Variants in MCHR2 observed in about 807,000 individuals in gnomAD.
The protein encoded by MCHR2 is melanin concentrating hormone receptor 2, also known as melanin-concentrating hormone receptor 2.
Under a neutral mutation model 24.8 loss-of-function variants are expected in MCHR2, and 15 were observed. The ratio of observed to expected loss-of-function variants is 0.60; its 90% CI spans 0.40 to 0.93. MCHR2 has a LOEUF of 0.93. Among genes scored for constraint, MCHR2 ranks in the 40% least tolerant of loss-of-function variants. The pLI is 0.00. For synonymous variants in MCHR2, 151 were observed against 147.6 expected (o/e 1.02, Z -0.17); for missense variants, 386 against 408.7 (o/e 0.94, Z 0.48).
chr6:99,970,195 A>G (rs1050005595), intron 1 of MCHR2, among the ~76,000 whole-genome samples: 2 of 151,214 alleles, frequency 1.3e-5, no homozygotes, highest in Non-Finnish European at 1.5e-5. Context: ...AAGTGTTCCT[A>G]TTTCTCCACA....
chr6:99,929,554 A>C (rs1774460322), intron 5 of MCHR2, among the ~76,000 whole-genome samples: 1 of 152,014 alleles, frequency 6.6e-6, no homozygotes, highest in Non-Finnish European at 1.5e-5. Context: ...TAGGATAGTT[A>C]GCTCTTCTTG....
intron 1 of MCHR2, among the ~76,000 whole-genome samples, chr6:99,961,832 G>A (rs1775195192): frequency 1.3e-5 from 2 of 152,034 alleles, no homozygotes; most frequent in South Asian, 4.1e-4. Flanking sequence ...TTGTGCACAT[G>A]TACCCTAGGA....
At chr6:99,928,923 T>C (rs1457536730) in intron 5 of MCHR2, among the ~76,000 whole-genome samples, 1 of 152,186 alleles carries the variant, frequency 6.6e-6, no homozygotes, top group Non-Finnish European at 1.5e-5. Flanking sequence ...CTTTTAATTG[T>C]GATGTTAGGG....
chr6:99,980,267 T>C (rs927178811), intron 1 of MCHR2, among the ~76,000 whole-genome samples: 1 of 152,130 alleles, frequency 6.6e-6, no homozygotes, highest in African/African-American at 2.4e-5. Context: ...GAGTGAGATG[T>C]TTTAAAAGAA....
chr6:99,984,621 C>G (rs145858247), intron 1 of MCHR2, among the ~76,000 whole-genome samples: 290 of 152,120 alleles, frequency 1.9e-3, no homozygotes, highest in Non-Finnish European at 3.4e-3. Context: ...TCCGTAAAAT[C>G]TAGCATCCCT....
At chr6:99,949,650 G>A (rs10499026) in intron 2 of MCHR2, among the ~76,000 whole-genome samples, 25,597 of 151,984 alleles carry the variant, frequency 0.17, 2,325 homozygotes, top group African/African-American at 0.2. Flanking sequence ...TACTGCCATG[G>A]AGTCCTTATT....
chr6:99,934,517 C>T lies in MCHR2; in HGVS notation c.588G>A (p.Trp196Ter), dbSNP rs747754670. Reference sequence around the variant, plus strand: ...TTGTTATCGTCAAATAAAGTGTATACCTGTAAAATGAGAGAGAGAAGAGAG... The same window carrying T: ...TTGTTATCGTCAAATAAAGTGTATATCTGTAAAATGAGAGAGAGAAGAGAG... Reference protein sequence around the residue: ...FDLTSPDDVLWYTLYLTITTF... With the variant: ...FDLTSPDDVL The change falls in exon 5 of 6, where the codon TGG (tryptophan) becomes TGA (stop). Residue 196 changes from tryptophan to a stop codon, truncating the protein, a stop_gained and splice_region_variant. Transcript: ENST00000281806. LOFTEE classifies it high-confidence loss of function. 6.4e-7 allele frequency: 1 copy of T among 1,573,018 alleles called. No individual in the cohort carries two copies. Among genetic ancestry groups the T allele is most frequent in the Non-Finnish European group, 8.6e-7 (1 of 1,164,094 alleles).
At chr6:99,969,473 CAA>C (rs1214316677) in intron 1 of MCHR2, among the ~76,000 whole-genome samples, 1 of 76,830 alleles carries the variant, frequency 1.3e-5, no homozygotes, top group Non-Finnish European at 2.4e-5. Context: ...GACTCCATCT[CAA>C]AAAAAAAAAA....
intron 5 of MCHR2, among the ~76,000 whole-genome samples, chr6:99,928,919 A>G: frequency 6.6e-6 from 1 of 151,740 alleles, no homozygotes; most frequent in Non-Finnish European, 1.5e-5. Flanking sequence ...ACTTCTTTTA[A>G]TTGTGATGTT....
At chr6:99,951,752 A>G (rs1774969693) in intron 2 of MCHR2, among the ~76,000 whole-genome samples, 1 of 152,082 alleles carries the variant, frequency 6.6e-6, no homozygotes, top group Non-Finnish European at 1.5e-5. Flanking sequence ...TGGGTGGGGA[A>G]AAAAGAGACC....
chr6:99,960,500 C>G (rs879908493), intron 1 of MCHR2, among the ~76,000 whole-genome samples: 1 of 152,078 alleles, frequency 6.6e-6, no homozygotes, highest in Admixed American at 6.6e-5. Flanking sequence ...TCATATGGAA[C>G]CAAAAAAGAG....
intron 1 of MCHR2, among the ~76,000 whole-genome samples, chr6:99,977,166 A>C (rs1775567107): frequency 6.6e-6 from 1 of 152,200 alleles, no homozygotes; most frequent in South Asian, 2.1e-4. Context: ...CATAAAAGTT[A>C]ATTTTCTTCT....
chr6:99,950,867 A>G lies in MCHR2; in HGVS notation c.183-2896T>C, dbSNP rs1461915508. 2.0e-5 allele frequency among the ~76,000 whole-genome samples: 3 copies of G among 152,200 alleles called. No individual in the cohort carries two copies. In the East Asian group the frequency reaches 5.8e-4, roughly 29 times the overall value. ...TATGATATGAATTAGTAAAACTAAC[A>G]AAACATAACACTACGCATGTAGGCT... On this transcript the variant is annotated intron_variant, in intron 2 of 5. Coordinates refer to ENST00000281806, the MANE Select transcript of MCHR2 (RefSeq NM_001040179.2).
In MCHR2 at chr6:99,919,116, G is replaced by A. The variant is rs1295198978; in HGVS notation, c.*1824C>T. Among the ~76,000 whole-genome samples, 2 of 152,184 alleles carry A rather than the reference G, an allele frequency of 1.3e-5. No individual in the cohort carries two copies. The highest frequency in any genetic ancestry group is 3.9e-4 in the East Asian group (2 of 5,188). On this transcript the variant is annotated 3_prime_UTR_variant, in exon 6 of 6. Transcript: ENST00000281806. ...AGTGAGAATGAAGACCCCTGAAACT[G>A]TGGCCATGACACAGCTTCTTATTGA... is the stretch of plus-strand genomic sequence containing the variant.
intron 1 of MCHR2, among the ~76,000 whole-genome samples, chr6:99,984,911 C>T (rs1775743634): frequency 6.6e-6 from 1 of 151,960 alleles, no homozygotes; most frequent in African/African-American, 2.4e-5. Context: ...ATGATATGAT[C>T]GTATGCCTAG....
intron 1 of MCHR2, among the ~76,000 whole-genome samples, chr6:99,980,638 A>T (rs906847701): frequency 1.3e-5 from 2 of 152,052 alleles, no homozygotes; most frequent in Non-Finnish European, 2.9e-5. Flanking sequence ...GAGAAAAAAA[A>T]TTTTCGAGAT....
chr6:99,982,483 A>AAAT (rs1175675214), intron 1 of MCHR2, among the ~76,000 whole-genome samples: 97 of 147,876 alleles, frequency 6.6e-4, no homozygotes, highest in Non-Finnish European at 1.2e-3. Flanking sequence ...AAAAAAAAAA[A>AAAT]AAAAAAAAAG....
chr6:99,976,518 T>C (rs1027028831), intron 1 of MCHR2, among the ~76,000 whole-genome samples: 8 of 152,324 alleles, frequency 5.3e-5, no homozygotes, highest in African/African-American at 1.7e-4. Context: ...TGTGTAGCCA[T>C]AGTTGTGCCA....
intron 5 of MCHR2, among the ~76,000 whole-genome samples, chr6:99,928,327 G>C (rs1173816516): frequency 6.6e-6 from 1 of 152,052 alleles, no homozygotes; most frequent in Non-Finnish European, 1.5e-5. Context: ...GCCCGGCTTT[G>C]GTATCAGGAT....
Sources: gnomAD v4.1 joint callset for allele counts (sites outside exome capture counted in the v4.1 genomes callset) on GRCh38, gnomAD v4.1.1 for gene constraint, MANE v1.5 for transcripts, NCBI Gene and HGNC (gene_info 2026-07-23, HGNC 2026-07-21) for gene names.